The following TCF20 variants were observed in gnomAD, a reference collection of about 807,000 sequenced individuals.
The protein encoded by TCF20 is transcription factor 20.
A neutral mutation model predicts 148.6 loss-of-function variants in TCF20; 3 were observed. That is an observed-to-expected ratio of 0.02 (90% CI 0.01 to 0.05). TCF20 has a LOEUF of 0.05. Ranked by LOEUF, TCF20 falls within the 10% of genes least tolerant of loss-of-function variation. The pLI, the probability that TCF20 is intolerant of heterozygous loss-of-function variation, is 1.00. For synonymous variants in TCF20, 1,049 were observed against 909.5 expected (o/e 1.15, Z -2.76); for missense variants, 2,350 against 2,429.3 (o/e 0.97, Z 0.69).
chr22:42,232,334 C>T (rs1192841210), intron 1 of TCF20, among the ~76,000 whole-genome samples: 1 of 151,442 alleles, frequency 6.6e-6, no homozygotes, highest in Non-Finnish European at 1.5e-5. Flanking sequence ...AGAACAACGA[C>T]AAAAATCACT....
intron 1 of TCF20, among the ~76,000 whole-genome samples, chr22:42,322,206 A>G (rs1343933144): frequency 6.6e-6 from 1 of 151,874 alleles, no homozygotes; most frequent in African/African-American, 2.4e-5. Flanking sequence ...GAGAATAAAG[A>G]GTTCATTCAT....
chr22:42,265,585 T>C (rs566568072), intron 1 of TCF20, among the ~76,000 whole-genome samples: 2 of 152,346 alleles, frequency 1.3e-5, no homozygotes, highest in African/African-American at 2.4e-5. Context: ...TTGCTTTATC[T>C]TGTTACTTTT....
upstream of TCF20, chr22:42,274,152 C>G (rs1322896440): frequency 6.5e-6 from 1 of 152,754 alleles, no homozygotes; most frequent in Non-Finnish European, 1.5e-5. Context: ...AATTCCTGCT[C>G]ACAAGCTCGG....
At chr22:42,221,082 G>A (rs953192615) in intron 1 of TCF20, among the ~76,000 whole-genome samples, 10 of 152,158 alleles carry the variant, frequency 6.6e-5, no homozygotes, top group African/African-American at 2.4e-4. Context: ...GAGAACTTCC[G>A]TTCCAGAACC....
intron 1 of TCF20, among the ~76,000 whole-genome samples, chr22:42,266,082 TAAAAA>T (rs134876): frequency 2.1e-5 from 3 of 141,596 alleles, no homozygotes; most frequent in Admixed American, 7.0e-5. Flanking sequence ...GCTTTAAAAT[TAAAAA>T]AAAAAAAAAA....
At chr22:42,202,742 G>A (rs995958321) in intron 2 of TCF20, among the ~76,000 whole-genome samples, 2 of 152,220 alleles carry the variant, frequency 1.3e-5, no homozygotes, top group South Asian at 2.1e-4. Context: ...GAAGCAAGCC[G>A]TATCTTTTGG....
rs528664836 is a variant in TCF20, at chr22:42,219,355, C to CAAAAAAAA, written c.-36-4022_-36-4015dup. On this transcript the variant is annotated intron_variant, in intron 1 of 5. Coordinates refer to ENST00000677622, the MANE Select transcript of TCF20 (RefSeq NM_001378418.1). Reference sequence around the variant, plus strand: ...ACCCTGGGTGACAGTAACCCTGTCTCAAAAAAAAAAAAAAAAAAAAAAAAA... The same window carrying CAAAAAAAA: ...ACCCTGGGTGACAGTAACCCTGTCTCAAAAAAAAAAAAAAAAAAAAAAAAAAAAAAAAA... 2.8e-3 allele frequency among the ~76,000 whole-genome samples: 121 copies of CAAAAAAAA among 43,550 alleles called. 16 individuals are homozygous for CAAAAAAAA. Among genetic ancestry groups the CAAAAAAAA allele is most frequent in the African/African-American group, 6.9e-3 (70 of 10,172 alleles). 28.6% of individuals were successfully genotyped at this position (43,550 alleles called of 152,430 possible).
chr22:42,257,319 TG>T (rs1261890507), intron 1 of TCF20, among the ~76,000 whole-genome samples: 13 of 152,254 alleles, frequency 8.5e-5, no homozygotes, highest in Admixed American at 8.5e-4. Flanking sequence ...TATTCTTTAC[TG>T]ATTTTAGTTA....
chr22:42,311,285 C>A (rs1178500208), intron 1 of TCF20, among the ~76,000 whole-genome samples: 2 of 152,242 alleles, frequency 1.3e-5, no homozygotes, highest in Admixed American at 6.5e-5. Context: ...CATCTCCTGG[C>A]ACCAGGCCCA....
intron 1 of TCF20, among the ~76,000 whole-genome samples, chr22:42,333,999 G>A (rs1443313292): frequency 6.6e-6 from 1 of 152,176 alleles, no homozygotes; most frequent in Non-Finnish European, 1.5e-5. Flanking sequence ...GGTTCCAGAT[G>A]AGCCACCAGA....
chr22:42,213,528 G>A lies in TCF20; in HGVS notation c.1778C>T (p.Ser593Phe). 6.2e-7 allele frequency: 1 copy of A among 1,614,176 alleles called. No homozygotes were observed. Among genetic ancestry groups the A allele is most frequent in the Non-Finnish European group, 8.5e-7 (1 of 1,180,022 alleles). The change falls in exon 2 of 6, where the codon TCC becomes TTC. Residue 593 changes from serine (S) to phenylalanine (F), a missense_variant. Coordinates refer to ENST00000677622, the MANE Select transcript of TCF20 (RefSeq NM_001378418.1). ...CTCATTAACCTTTGGGTTCCCGTCGGATGACAATGGCATGTCCTTAGCGCC... is the reference window on the plus strand; with the variant it reads ...CTCATTAACCTTTGGGTTCCCGTCGAATGACAATGGCATGTCCTTAGCGCC... ...SPGAKDMPLS[S>F]DGNPKVNEKT...
At chr22:42,176,744 C>T (rs550419746) in intron 3 of TCF20, among the ~76,000 whole-genome samples, 21 of 151,870 alleles carry the variant, frequency 1.4e-4, no homozygotes, top group African/African-American at 4.8e-4. Flanking sequence ...AAGCCAGGCA[C>T]GGAAAGTTAA....
In TCF20 at chr22:42,160,542, C is replaced by T. The variant is rs1236819592; in HGVS notation, c.*861G>A. The T allele has an allele frequency of 6.6e-6, 1 of 152,468 alleles. No individual in the cohort carries two copies. The highest frequency in any genetic ancestry group is 1.5e-5 in the Non-Finnish European group (1 of 68,082). 9.4% of individuals were successfully genotyped at this position (152,468 alleles called of 1,614,324 possible). A position where few individuals can be genotyped will look rare whatever the true frequency, so the allele number is the denominator to read the frequency against. ...CCCTTGATTTTGCTGCTGCTGTGTA[C>T]ACTTGATGGGGTCCTTGAGGTCCTC... is the stretch of plus-strand genomic sequence containing the variant. On this transcript the variant is annotated 3_prime_UTR_variant, in exon 6 of 6. Transcript: ENST00000677622.
intron 1 of TCF20, among the ~76,000 whole-genome samples, chr22:42,262,466 T>C (rs1926080965): frequency 6.6e-6 from 1 of 152,016 alleles, no homozygotes; most frequent in Non-Finnish European, 1.5e-5. Flanking sequence ...AAAGAGTTTG[T>C]GAGGAATAAG....
chr22:42,313,766 A>G (rs1927579835), intron 1 of TCF20, among the ~76,000 whole-genome samples: 1 of 151,824 alleles, frequency 6.6e-6, no homozygotes, highest in African/African-American at 2.4e-5. Flanking sequence ...CGCCCAGCTC[A>G]CTTTTGTATT....
chr22:42,222,736 T>C (rs900608965), intron 1 of TCF20, among the ~76,000 whole-genome samples: 1 of 152,224 alleles, frequency 6.6e-6, no homozygotes, highest in Non-Finnish European at 1.5e-5. Flanking sequence ...GTGTTATCCA[T>C]GTGATTTTCT....
At position 42,210,116 on chromosome 22, in the gene TCF20, T is replaced by C; in HGVS notation, c.5190A>G (p.Ala1730=). The C allele has an allele frequency of 6.2e-7, 1 of 1,614,192 alleles. No homozygotes were observed. The highest frequency in any genetic ancestry group is 1.6e-4 in the Middle Eastern group (1 of 6,062). Residue 1730 remains alanine, a synonymous_variant, in exon 2 of 6, where the codon GCA becomes GCG. Coordinates refer to ENST00000677622, the MANE Select transcript of TCF20 (RefSeq NM_001378418.1). The surrounding 1 kb of genome is among the most constrained non-coding windows in gnomAD (Gnocchi z 4.7). ...LFGPFYPQDY[A]ATLPKNPPPK... is the part of the protein sequence containing the mutation. Reference sequence around the variant, plus strand: ...GAGGTGGATTCTTCGGGAGAGTGGCTGCATAATCTTGGGGATAAAAAGGTC... The same window carrying C: ...GAGGTGGATTCTTCGGGAGAGTGGCCGCATAATCTTGGGGATAAAAAGGTC...
At chr22:42,162,334 G>A (rs1382157665) in intron 5 of TCF20, among the ~76,000 whole-genome samples, 2 of 152,016 alleles carry the variant, frequency 1.3e-5, no homozygotes, top group East Asian at 1.9e-4. Context: ...TAACAGGGAG[G>A]GCAGGTTTTC....
At chr22:42,319,011 C>T (rs1053781980) in intron 1 of TCF20, among the ~76,000 whole-genome samples, 10 of 152,206 alleles carry the variant, frequency 6.6e-5, no homozygotes, top group African/African-American at 1.7e-4. Context: ...GACACCTGCT[C>T]TGTGCCACAC....
Sources: gnomAD v4.1 joint callset for allele counts (sites outside exome capture counted in the v4.1 genomes callset) on GRCh38, gnomAD v4.1.1 for gene constraint, Gnocchi (gnomAD v3.1) non-coding constraint, MANE v1.5 for transcripts, NCBI Gene and HGNC (gene_info 2026-07-23, HGNC 2026-07-21) for gene names.